The following FAF1 variants were observed in gnomAD, a reference collection of about 807,000 sequenced individuals.
The protein encoded by FAF1 is FAS-associated factor 1.
Under a neutral mutation model 92.5 loss-of-function variants are expected in FAF1, and 25 were observed. That is an observed-to-expected ratio of 0.27 (90% confidence interval 0.20 to 0.38). The LOEUF (loss-of-function observed/expected upper bound fraction) is 0.38, where lower values mean the gene tolerates loss of function less well. Ranked by LOEUF, FAF1 falls within the 10% of genes least tolerant of loss-of-function variation. The pLI is 1.00. For synonymous variants in FAF1, 234 were observed against 273.2 expected (o/e 0.86, Z 1.42); for missense variants, 636 against 793.3 (o/e 0.80, Z 2.38).
intron 7 of FAF1, among the ~76,000 whole-genome samples, chr1:50,695,402 C>T (rs2124403717): frequency 6.6e-6 from 1 of 151,978 alleles, no homozygotes; most frequent in East Asian, 1.9e-4. Context: ...CCAGTGGTGC[C>T]ACCTTGGATA....
intron 1 of FAF1, among the ~76,000 whole-genome samples, chr1:50,901,813 C>G (rs1644799409): frequency 6.6e-6 from 1 of 152,042 alleles, no homozygotes; most frequent in South Asian, 2.1e-4. Flanking sequence ...TGCAGTGGGC[C>G]AAGATCATGC....
chr1:50,586,395 C>T (rs1334688872), intron 9 of FAF1, among the ~76,000 whole-genome samples: 1 of 151,948 alleles, frequency 6.6e-6, no homozygotes, highest in African/African-American at 2.4e-5. Flanking sequence ...TCTAAGAGTT[C>T]CAAATGAGAA....
intron 1 of FAF1, among the ~76,000 whole-genome samples, chr1:50,933,888 A>C (rs1174043969): frequency 6.6e-6 from 1 of 152,110 alleles, no homozygotes; most frequent in East Asian, 1.9e-4. Context: ...CCCCTGATAA[A>C]CCCATCAGAT....
intron 1 of FAF1, among the ~76,000 whole-genome samples, chr1:50,910,837 G>C (rs1644879815): frequency 1.3e-5 from 2 of 152,020 alleles, no homozygotes; most frequent in Admixed American, 1.3e-4. Flanking sequence ...TCCCGGGTGA[G>C]GCAATGCCCC....
chr1:50,491,413 C>T (rs924479701), intron 16 of FAF1, among the ~76,000 whole-genome samples: 3 of 152,194 alleles, frequency 2.0e-5, no homozygotes, highest in Non-Finnish European at 2.9e-5. Flanking sequence ...TAGTTCCCAA[C>T]CCTGACTGCA....
intron 2 of FAF1, among the ~76,000 whole-genome samples, chr1:50,843,845 G>A (rs922795381): frequency 2.0e-5 from 3 of 152,058 alleles, no homozygotes; most frequent in African/African-American, 7.2e-5. Flanking sequence ...AATAAGCATA[G>A]GGGTGCAGAT....
chr1:50,872,352 G>A (rs1324558528), intron 1 of FAF1, among the ~76,000 whole-genome samples: 1 of 152,198 alleles, frequency 6.6e-6, no homozygotes, highest in Non-Finnish European at 1.5e-5. Flanking sequence ...AGAATTAGAA[G>A]TGGAGTGTGA....
intron 17 of FAF1, among the ~76,000 whole-genome samples, chr1:50,476,403 T>C (rs568893290): frequency 6.6e-6 from 1 of 152,320 alleles, no homozygotes; most frequent in Non-Finnish European, 1.5e-5. Context: ...ATCTTAGTGG[T>C]TGATTTCTGG....
intron 4 of FAF1, among the ~76,000 whole-genome samples, chr1:50,783,938 GATAA>G (rs1305136233): frequency 2.0e-5 from 3 of 152,026 alleles, no homozygotes; most frequent in Non-Finnish European, 4.4e-5. Flanking sequence ...AAGCAAGAAG[GATAA>G]ATGTCACACA....
chr1:50,729,036 A>ATCTATCTATC (rs753561961), intron 6 of FAF1, among the ~76,000 whole-genome samples: 1,619 of 95,108 alleles, frequency 0.017, 26 homozygotes, highest in African/African-American at 0.04. Flanking sequence ...CTATCTATCT[A>ATCTATCTATC]TATATATATA....
At chr1:50,664,732 T>C (rs1655546833) in intron 7 of FAF1, among the ~76,000 whole-genome samples, 1 of 152,206 alleles carries the variant, frequency 6.6e-6, no homozygotes, top group Non-Finnish European at 1.5e-5. Context: ...AGGCGGAGCT[T>C]GCAGAGAGTC....
chr1:50,739,101 T>C, intron 5 of FAF1, 147 bp from the exon 6 acceptor site: 1 of 570,196 alleles, frequency 1.8e-6, no homozygotes, highest in Non-Finnish European at 3.1e-6. Flanking sequence ...AAAGAACTAC[T>C]GAATCCAAGT....
intron 2 of FAF1, among the ~76,000 whole-genome samples, chr1:50,808,995 C>G (rs1662316744): frequency 6.6e-6 from 1 of 152,064 alleles, no homozygotes; most frequent in South Asian, 2.1e-4. Context: ...ACAGCAAATA[C>G]TTAGAGATCA....
At chr1:50,526,548 C>T (rs542528833) in intron 15 of FAF1, among the ~76,000 whole-genome samples, 279 of 152,094 alleles carry the variant, frequency 1.8e-3, no homozygotes, top group Non-Finnish European at 3.2e-3. Flanking sequence ...AAGCAATCCA[C>T]GTGCCTCTGC....
intron 2 of FAF1, among the ~76,000 whole-genome samples, chr1:50,850,561 T>C (rs963008061): frequency 2.0e-5 from 3 of 151,924 alleles, no homozygotes; most frequent in African/African-American, 2.4e-5. Flanking sequence ...GCACAAGAGA[T>C]GAAGTATTTA....
intron 5 of FAF1, among the ~76,000 whole-genome samples, chr1:50,741,856 T>C (rs1294904063): frequency 6.6e-6 from 1 of 152,210 alleles, no homozygotes; most frequent in Non-Finnish European, 1.5e-5. Context: ...TTAAACACGT[T>C]AAGTTTGAGA....
intron 1 of FAF1, among the ~76,000 whole-genome samples, chr1:50,867,958 A>C (rs957998344): frequency 6.6e-6 from 1 of 152,200 alleles, no homozygotes; most frequent in African/African-American, 2.4e-5. Context: ...GTGAATAAAG[A>C]AAGTGTGGTA....
At chr1:50,505,816 T>C (rs1008201985) in intron 15 of FAF1, among the ~76,000 whole-genome samples, 1 of 152,196 alleles carries the variant, frequency 6.6e-6, no homozygotes, top group Non-Finnish European at 1.5e-5. Flanking sequence ...ATATAAATGT[T>C]GGTTTCAGCC....
At chr1:50,730,554 T>C (rs1658872705) in intron 6 of FAF1, among the ~76,000 whole-genome samples, 1 of 152,352 alleles carries the variant, frequency 6.6e-6, no homozygotes, top group Non-Finnish European at 1.5e-5. Flanking sequence ...CACAATTCAA[T>C]TATTTTCTAT....
Sources: gnomAD v4.1 joint callset for allele counts (sites outside exome capture counted in the v4.1 genomes callset) on GRCh38, gnomAD v4.1.1 for gene constraint, MANE v1.5 for transcripts, NCBI Gene and HGNC (gene_info 2026-07-23, HGNC 2026-07-21) for gene names.